The following LRMDA variants were observed in gnomAD, a reference collection of about 807,000 sequenced individuals.
The protein encoded by LRMDA is leucine rich melanocyte differentiation associated.
A neutral mutation model predicts 29.8 loss-of-function variants in LRMDA; 18 were observed. The observed-to-expected ratio is 0.60, with a 90% CI of 0.42 to 0.90. The LOEUF is 0.90. Ranked by LOEUF, LRMDA falls within the 40% of genes least tolerant of loss-of-function variation. The pLI, the probability that LRMDA is intolerant of heterozygous loss-of-function variation, is 0.00. For synonymous variants in LRMDA, 125 were observed against 109.4 expected (o/e 1.14, Z -0.89); for missense variants, 273 against 273.9 (o/e 1.00, Z 0.02).
At chr10:76,092,330 G>C (rs973248132) in intron 5 of LRMDA, among the ~76,000 whole-genome samples, 1 of 152,136 alleles carries the variant, frequency 6.6e-6, no homozygotes, top group Non-Finnish European at 1.5e-5. Flanking sequence ...ACAGCTTTCC[G>C]GTGCTTAGAT....
At chr10:76,455,303 G>A (rs1842445848) in intron 6 of LRMDA, among the ~76,000 whole-genome samples, 1 of 151,992 alleles carries the variant, frequency 6.6e-6, no homozygotes, top group Admixed American at 6.6e-5. Context: ...ATATATTGAT[G>A]GTATTGAATT....
rs370554486 is a variant in LRMDA at position 75,580,600 on chromosome 10, C to T, written c.131+142106C>T. Among the ~76,000 whole-genome samples the T allele has an allele frequency of 1.6e-4, 25 of 152,220 alleles. No homozygotes were observed. In the East Asian group the frequency reaches 1.9e-3, roughly 12 times the overall value. On this transcript the variant is annotated intron_variant, in intron 2 of 6. Coordinates refer to ENST00000611255, the MANE Select transcript of LRMDA (RefSeq NM_001305581.2). The stretch of plus-strand genomic sequence containing the variant: ...TTCATATGGAACCAAAAAAAGAGCC[C>T]GCATAGCCAAGACAATCCTAAGCCA...
At chr10:75,521,570 C>T (rs1017481445) in intron 2 of LRMDA, among the ~76,000 whole-genome samples, 3 of 152,156 alleles carry the variant, frequency 2.0e-5, no homozygotes, top group Non-Finnish European at 2.9e-5. Flanking sequence ...GGGAAAAGTG[C>T]AGTATTTGGT....
chr10:76,520,924 A>G (rs1197775468), intron 6 of LRMDA, among the ~76,000 whole-genome samples: 4 of 152,192 alleles, frequency 2.6e-5, no homozygotes, highest in Non-Finnish European at 4.4e-5. Flanking sequence ...TTCTAATTAT[A>G]AAAGCAAGAA....
chr10:76,072,502 G>T (rs752653080), intron 5 of LRMDA, among the ~76,000 whole-genome samples: 2 of 152,098 alleles, frequency 1.3e-5, no homozygotes, highest in Non-Finnish European at 2.9e-5. Context: ...AGTATTTTAG[G>T]CTAGACCTTC....
intron 2 of LRMDA, among the ~76,000 whole-genome samples, chr10:75,677,544 A>G (rs550278818): frequency 6.6e-6 from 1 of 152,282 alleles, no homozygotes; most frequent in South Asian, 2.1e-4. Flanking sequence ...GATACCTAAA[A>G]AAATGTGTGT....
chr10:76,271,978 A>G (rs1051678841), intron 5 of LRMDA, among the ~76,000 whole-genome samples: 3 of 152,206 alleles, frequency 2.0e-5, no homozygotes, highest in Admixed American at 1.3e-4. Flanking sequence ...TTATGTGTGC[A>G]GTCACTCAGT....
chr10:75,800,166 T>A (rs1843723655), intron 2 of LRMDA, among the ~76,000 whole-genome samples: 1 of 152,222 alleles, frequency 6.6e-6, no homozygotes, highest in Non-Finnish European at 1.5e-5. Flanking sequence ...AACTTTGTAT[T>A]TAAGTGCACA....
intron 6 of LRMDA, among the ~76,000 whole-genome samples, chr10:76,417,748 C>G (rs1842032043): frequency 6.6e-6 from 1 of 152,122 alleles, no homozygotes; most frequent in Non-Finnish European, 1.5e-5. Context: ...GAAGTCCTGT[C>G]TAAGCAACAT....
intron 6 of LRMDA, among the ~76,000 whole-genome samples, chr10:76,516,632 G>T (rs1843064474): frequency 6.6e-6 from 1 of 151,948 alleles, no homozygotes; most frequent in Non-Finnish European, 1.5e-5. Flanking sequence ...TGAGAATGAT[G>T]GTTTCCAGTT....
chr10:75,910,187 A>G (rs533080541), intron 2 of LRMDA, among the ~76,000 whole-genome samples: 1 of 152,134 alleles, frequency 6.6e-6, no homozygotes, highest in East Asian at 1.9e-4. Flanking sequence ...TAATTTCGCC[A>G]CTTTATGTCT....
intron 6 of LRMDA, among the ~76,000 whole-genome samples, chr10:76,481,540 G>A (rs1050863136): frequency 2.0e-5 from 3 of 151,914 alleles, no homozygotes; most frequent in South Asian, 2.1e-4. Context: ...GGATCACTGC[G>A]CATGTTTATC....
intron 5 of LRMDA, among the ~76,000 whole-genome samples, chr10:76,154,181 A>G (rs1177571322): frequency 2.0e-5 from 3 of 152,058 alleles, no homozygotes; most frequent in Non-Finnish European, 4.4e-5. Flanking sequence ...GTTCAGCTTA[A>G]TGCTTAGTTC....
intron 6 of LRMDA, among the ~76,000 whole-genome samples, chr10:76,389,657 C>T (rs1363464287): frequency 2.0e-5 from 3 of 152,098 alleles, no homozygotes; most frequent in African/African-American, 7.2e-5. Context: ...CTCTAGAATC[C>T]ACCATTCTAC....
chr10:76,551,628 A>C (rs1273178709), intron 6 of LRMDA, among the ~76,000 whole-genome samples: 1 of 152,190 alleles, frequency 6.6e-6, no homozygotes, highest in Non-Finnish European at 1.5e-5. Flanking sequence ...CAATAATTTC[A>C]ACTTACAATA....
In LRMDA at chr10:75,700,895, C is replaced by G. The variant is rs556839402; in HGVS notation, c.131+262401C>G. 4.0e-3 allele frequency among the ~76,000 whole-genome samples: 609 copies of G among 152,202 alleles called. 4 individuals are homozygous for G. The highest frequency in any genetic ancestry group is 0.014 in the African/African-American group (567 of 41,516). On this transcript the variant is annotated intron_variant, in intron 2 of 6. Transcript: ENST00000611255. ...CTGTCGGCCCAGGTGTGTTCGATTC[C>G]AAAGCATGTGATCATTCCACTTTGC... is the stretch of plus-strand genomic sequence containing the variant.
intron 2 of LRMDA, among the ~76,000 whole-genome samples, chr10:75,975,277 C>T (rs1469786939): frequency 1.3e-5 from 2 of 152,194 alleles, no homozygotes; most frequent in Non-Finnish European, 2.9e-5. Context: ...CTGAGTGCCT[C>T]TACACTGATG....
chr10:75,543,923 T>C (rs1234525469), intron 2 of LRMDA, among the ~76,000 whole-genome samples: 1 of 152,198 alleles, frequency 6.6e-6, no homozygotes. Flanking sequence ...CTAATTCTGA[T>C]ACAAGTGTCG....
intron 5 of LRMDA, among the ~76,000 whole-genome samples, chr10:76,123,583 G>T (rs1849828167): frequency 6.6e-6 from 1 of 152,150 alleles, no homozygotes; most frequent in Non-Finnish European, 1.5e-5. Context: ...GTCTACAAAT[G>T]GAAACCATTG....
Sources: gnomAD v4.1 joint callset for allele counts (sites outside exome capture counted in the v4.1 genomes callset) on GRCh38, gnomAD v4.1.1 for gene constraint, MANE v1.5 for transcripts, NCBI Gene and HGNC (gene_info 2026-07-23, HGNC 2026-07-21) for gene names.